Variants in NRXN1 observed in about 807,000 individuals in gnomAD.
NRXN1 encodes the protein neurexin-1.
Under a neutral mutation model 150.9 loss-of-function variants are expected in NRXN1, and 39 were observed. That is an observed-to-expected ratio of 0.26 (90% CI 0.20 to 0.34). The LOEUF (loss-of-function observed/expected upper bound fraction) is 0.34. NRXN1 is among the 10% of genes least tolerant of loss of function. The probability of loss-of-function intolerance (pLI) is 1.00; values close to 1 mark genes in which losing one functional copy is unlikely to be tolerated. For missense variants in NRXN1, 1,815 were observed against 1,949.9 expected, an observed-to-expected ratio of 0.93 and a Z score of 1.30; for synonymous variants, 924 against 757.0, an observed-to-expected ratio of 1.22 and a Z score of -3.62.
chr2:49,931,718 G>A (rs993432391), intron 22 of NRXN1, among the ~76,000 whole-genome samples: 3 of 151,986 alleles, frequency 2.0e-5, no homozygotes, highest in African/African-American at 4.8e-5. Context: ...TCCTCAAAAT[G>A]TATTACATTC....
chr2:50,134,827 A>T (rs935374677), intron 18 of NRXN1, among the ~76,000 whole-genome samples: 16 of 152,234 alleles, frequency 1.1e-4, no homozygotes, highest in Non-Finnish European at 1.9e-4. Context: ...AATTGATGAA[A>T]GCCTCTAATG....
intron 22 of NRXN1, among the ~76,000 whole-genome samples, chr2:49,933,839 C>A (rs906876090): frequency 6.6e-6 from 1 of 152,214 alleles, no homozygotes; most frequent in African/African-American, 2.4e-5. Context: ...GCACTGCACA[C>A]AGTGTCTCAA....
chr2:50,445,920 C>G (rs751049623), intron 17 of NRXN1, among the ~76,000 whole-genome samples: 22 of 152,030 alleles, frequency 1.4e-4, no homozygotes, highest in African/African-American at 4.4e-4. Flanking sequence ...AAAGATAGGT[C>G]CTGAAACATG....
intron 18 of NRXN1, among the ~76,000 whole-genome samples, chr2:50,095,211 G>A (rs1432800890): frequency 6.6e-6 from 1 of 152,186 alleles, no homozygotes; most frequent in African/African-American, 2.4e-5. Context: ...GTCTAAAAGT[G>A]AACGGATGAC....
intron 8 of NRXN1, among the ~76,000 whole-genome samples, chr2:50,558,287 A>G (rs1668539485): frequency 6.6e-6 from 1 of 152,172 alleles, no homozygotes; most frequent in African/African-American, 2.4e-5. Context: ...CTTCATGATC[A>G]TGTCTAATCC....
intron 18 of NRXN1, among the ~76,000 whole-genome samples, chr2:50,220,001 TTATATA>T (rs1559116530): frequency 2.6e-5 from 1 of 37,902 alleles, no homozygotes; most frequent in Non-Finnish European, 4.9e-5. Context: ...ATAATATATA[TTATATA>T]ATATATTATA....
intron 18 of NRXN1, among the ~76,000 whole-genome samples, chr2:50,194,797 C>T (rs1350942586): frequency 6.6e-6 from 1 of 152,130 alleles, no homozygotes; most frequent in East Asian, 1.9e-4. Context: ...TCTGAAGGAA[C>T]ATGCATGAAC....
intron 17 of NRXN1, among the ~76,000 whole-genome samples, chr2:50,451,589 T>C (rs2086970256): frequency 6.6e-6 from 1 of 152,184 alleles, no homozygotes; most frequent in South Asian, 2.1e-4. Context: ...TTATGTTAAA[T>C]AAATCTACAT....
intron 12 of NRXN1, among the ~76,000 whole-genome samples, chr2:50,517,724 C>G (rs2092670251): frequency 6.6e-6 from 1 of 151,974 alleles, no homozygotes; most frequent in African/African-American, 2.4e-5. Flanking sequence ...ACTTCCGAGT[C>G]CAAAGGAAAT....
At chr2:50,348,860 C>A (rs982368831) in intron 17 of NRXN1, among the ~76,000 whole-genome samples, 3 of 147,808 alleles carry the variant, frequency 2.0e-5, no homozygotes, top group Non-Finnish European at 4.5e-5. Context: ...GTCTTTATTT[C>A]TATTTAAAGC....
At chr2:50,472,230 T>G in intron 16 of NRXN1, 68 bp downstream of exon 16, 3,214 of 1,288,812 alleles carry the variant, frequency 2.5e-3, no homozygotes, top group Non-Finnish European at 3.0e-3. Context: ...TGCTGGACAG[T>G]GAGATTCACT....
intron 2 of NRXN1, among the ~76,000 whole-genome samples, chr2:51,021,208 A>G (rs139403022): frequency 6.6e-6 from 1 of 152,028 alleles, no homozygotes; most frequent in Non-Finnish European, 1.5e-5. Context: ...TAGCTTATAT[A>G]CTTTTTGAGA....
In NRXN1 at chr2:50,097,522, A is replaced by C. The variant is rs1454986116; in HGVS notation, c.3547-6028T>G. Among the ~76,000 whole-genome samples the C allele has an allele frequency of 2.0e-5, 3 of 152,294 alleles. No homozygotes were observed. In the East Asian group the frequency reaches 5.8e-4, roughly 29 times the overall value. ...GCAAAGGTTTTAAGGCATGAAGGGG[A>C]GTCTGGAGCCTATAGTCACAGTTGT... is the stretch of plus-strand genomic sequence containing the variant. On this transcript the variant is annotated intron_variant, in intron 18 of 22. Transcript: ENST00000401669.
At chr2:50,657,751 C>A (rs1686702256) in intron 5 of NRXN1, among the ~76,000 whole-genome samples, 1 of 151,978 alleles carries the variant, frequency 6.6e-6, no homozygotes, top group Non-Finnish European at 1.5e-5. Flanking sequence ...TTCTTTTATG[C>A]TTGAAATTCT....
intron 22 of NRXN1, among the ~76,000 whole-genome samples, chr2:49,941,577 G>T (rs1382220578): frequency 6.6e-6 from 1 of 152,074 alleles, no homozygotes; most frequent in East Asian, 1.9e-4. Context: ...TGATTCACTA[G>T]GTACTCAAGG....
chr2:50,165,724 C>T (rs894754874), intron 18 of NRXN1, among the ~76,000 whole-genome samples: 1 of 152,166 alleles, frequency 6.6e-6, no homozygotes, highest in Non-Finnish European at 1.5e-5. Context: ...ATGTGCTCTA[C>T]CTCACAGGGC....
intron 5 of NRXN1, among the ~76,000 whole-genome samples, chr2:50,728,152 A>G (rs965093722): frequency 3.9e-5 from 6 of 152,128 alleles, no homozygotes; most frequent in African/African-American, 1.4e-4. Flanking sequence ...CCTGATTGTC[A>G]TGTTTGAGAC....
At chr2:49,965,549 T>A (rs1676823939) in intron 21 of NRXN1, among the ~76,000 whole-genome samples, 1 of 152,168 alleles carries the variant, frequency 6.6e-6, no homozygotes, top group African/African-American at 2.4e-5. Context: ...ATTACAGGTG[T>A]GAGCCACTGC....
intron 21 of NRXN1, among the ~76,000 whole-genome samples, chr2:50,049,654 A>G (rs183535318): frequency 6.6e-6 from 1 of 152,318 alleles, no homozygotes; most frequent in Admixed American, 6.5e-5. Flanking sequence ...GCTTGATCGT[A>G]AAAGAAACAG....
Sources: gnomAD v4.1 joint callset for allele counts (sites outside exome capture counted in the v4.1 genomes callset) on GRCh38, gnomAD v4.1.1 for gene constraint, MANE v1.5 for transcripts, NCBI Gene and HGNC (gene_info 2026-07-23, HGNC 2026-07-21) for gene names.